The following UNC13C variants were observed in gnomAD, a reference collection of about 807,000 sequenced individuals.
UNC13C encodes the protein protein unc-13 homolog C.
UNC13C carries 174 observed loss-of-function variants against 245.4 expected under a neutral mutation model. The ratio of observed to expected loss-of-function variants is 0.71; its 90% CI spans 0.63 to 0.80. UNC13C has a LOEUF of 0.80. Among genes scored for constraint, UNC13C ranks in the 30% least tolerant of loss-of-function variants. The probability of loss-of-function intolerance (pLI) is 0.00; values close to 1 mark genes in which losing one functional copy is unlikely to be tolerated. For synonymous variants in UNC13C, 992 were observed against 895.1 expected (o/e 1.11, Z -1.93); for missense variants, 2,829 against 2,602.9 (o/e 1.09, Z -1.89).
chr15:53,878,281 C>T, the UNC13C span, among the ~76,000 whole-genome samples: 1 of 152,130 alleles, frequency 6.6e-6, no homozygotes, highest in Non-Finnish European at 1.5e-5. Context: ...AAAGCTGTGC[C>T]TTCTGAATCC....
chr15:53,964,853 G>A, the UNC13C span, among the ~76,000 whole-genome samples: 24 of 152,226 alleles, frequency 1.6e-4, no homozygotes, highest in South Asian at 1.9e-3. Flanking sequence ...AGCTAGTGTC[G>A]CTGGAGGGAA....
chr15:54,220,725 T>C (rs1263023976), intron 4 of UNC13C, among the ~76,000 whole-genome samples: 3 of 151,996 alleles, frequency 2.0e-5, no homozygotes, highest in Non-Finnish European at 2.9e-5. Context: ...AAAAGTACAC[T>C]GGGAAAGAAT....
At chr15:54,321,433 C>A (rs746683040) in intron 13 of UNC13C, 1 of 494,712 alleles carries the variant, frequency 2.0e-6, no homozygotes, top group Non-Finnish European at 4.0e-6. Context: ...GTTTCCACAA[C>A]TCTTGCATCT....
At chr15:54,092,347 C>T (rs1305721140) in intron 2 of UNC13C, among the ~76,000 whole-genome samples, 1 of 152,002 alleles carries the variant, frequency 6.6e-6, no homozygotes. Context: ...ATTCATTACC[C>T]AAGTCTTTAC....
the UNC13C span, among the ~76,000 whole-genome samples, chr15:53,879,070 G>A: frequency 3.3e-5 from 5 of 152,014 alleles, no homozygotes; most frequent in African/African-American, 1.2e-4. Context: ...TGATTCCCTT[G>A]TAAAAATAGT....
chr15:54,396,392 C>T (rs1198409424), intron 18 of UNC13C, among the ~76,000 whole-genome samples: 1 of 151,606 alleles, frequency 6.6e-6, no homozygotes, highest in Non-Finnish European at 1.5e-5. Context: ...TTCATTACAA[C>T]TATTTTGAGT....
At chr15:54,522,871 C>G (rs1045921043) in intron 24 of UNC13C, among the ~76,000 whole-genome samples, 12 of 152,184 alleles carry the variant, frequency 7.9e-5, no homozygotes, top group African/African-American at 2.4e-4. Context: ...TACACTGTGA[C>G]TTATGAATAT....
intron 19 of UNC13C, among the ~76,000 whole-genome samples, chr15:54,455,994 GT>G (rs1555467537): frequency 6.6e-6 from 1 of 152,074 alleles, no homozygotes; most frequent in Non-Finnish European, 1.5e-5. Flanking sequence ...AATTTTTATG[GT>G]TTCAGGTCAT....
At chr15:53,878,206 G>T in the UNC13C span, among the ~76,000 whole-genome samples, 2 of 152,082 alleles carry the variant, frequency 1.3e-5, no homozygotes, top group African/African-American at 4.8e-5. Context: ...ACTGAAATTT[G>T]CTGTCAACTT....
At chr15:54,138,648 G>T (rs12917400) in intron 2 of UNC13C, among the ~76,000 whole-genome samples, 55,780 of 151,790 alleles carry the variant, frequency 0.37, 10,321 homozygotes, top group Admixed American at 0.39. Flanking sequence ...GCAATTTTTT[G>T]GTAGTAAATA....
chr15:54,564,157 C>T (rs1897407011), intron 29 of UNC13C, among the ~76,000 whole-genome samples: 1 of 152,004 alleles, frequency 6.6e-6, no homozygotes, highest in Non-Finnish European at 1.5e-5. Context: ...TTTGTTTTCT[C>T]TTCTGACATA....
chr15:54,055,544 G>T lies in UNC13C; in HGVS notation c.2983+39658G>T, dbSNP rs1052255534. 3.9e-5 allele frequency among the ~76,000 whole-genome samples: 6 copies of T among 152,134 alleles called. 1 individual carries two copies. The highest frequency in any genetic ancestry group is 1.3e-4 in the Admixed American group (2 of 15,276). On this transcript the variant is annotated intron_variant, in intron 2 of 32. Coordinates refer to ENST00000260323, the MANE Select transcript of UNC13C (RefSeq NM_001080534.3). ...CCAGCTGATCAACTGAGGGATTTTA[G>T]TTTGTAGCCATGTCTAGACAAAATG...
chr15:54,601,591 C>T (rs1899429967), intron 30 of UNC13C, among the ~76,000 whole-genome samples: 1 of 152,146 alleles, frequency 6.6e-6, no homozygotes, highest in Non-Finnish European at 1.5e-5. Context: ...TTGACTCTGT[C>T]AGCAGGAAAA....
the UNC13C span, among the ~76,000 whole-genome samples, chr15:53,889,537 C>A: frequency 2.0e-5 from 3 of 152,192 alleles, no homozygotes; most frequent in Non-Finnish European, 2.9e-5. Context: ...ATTTGAATAC[C>A]ATTTATTTCT....
At position 54,013,768 on chromosome 15, in the gene UNC13C, G is replaced by A; in HGVS notation, c.865G>A (p.Glu289Lys). The A allele has an allele frequency of 6.2e-7, 1 of 1,610,768 alleles. No individual in the cohort carries two copies. Among genetic ancestry groups the A allele is most frequent in the South Asian group, 1.1e-5 (1 of 90,710 alleles). The change falls in exon 2 of 33, where the codon GAG (glutamate) becomes AAG (lysine). Residue 289 changes from glutamate to lysine, a missense_variant. By Grantham distance (56) the Glu-to-Lys change is moderately conservative. Transcript: ENST00000260323. ...SSVEVVQSEIEQLRTGFVQSR... is the reference protein window; with the variant it reads ...SSVEVVQSEIKQLRTGFVQSR... Reference sequence around the variant, plus strand: ...TGTGGAGGTTGTACAAAGTGAAATTGAGCAGTTGCGCACAGGGTTTGTCCA... The same window carrying A: ...TGTGGAGGTTGTACAAAGTGAAATTAAGCAGTTGCGCACAGGGTTTGTCCA...
chr15:54,445,895 A>G (rs58067365), intron 19 of UNC13C, among the ~76,000 whole-genome samples: 3,460 of 152,260 alleles, frequency 0.023, 49 homozygotes, highest in African/African-American at 0.044. Flanking sequence ...GGTATTGCCT[A>G]GGTTTTCTTC....
At chr15:54,461,657 G>T (rs188928912) in intron 19 of UNC13C, among the ~76,000 whole-genome samples, 1 of 152,210 alleles carries the variant, frequency 6.6e-6, no homozygotes, top group East Asian at 1.9e-4. Context: ...ACACAATTGT[G>T]ACAATTGAGT....
chr15:54,290,451 C>T (rs142579133), intron 10 of UNC13C, among the ~76,000 whole-genome samples: 5 of 152,048 alleles, frequency 3.3e-5, no homozygotes, highest in African/African-American at 7.2e-5. Flanking sequence ...GAGACTCAAA[C>T]TCCCAAGACA....
At chr15:54,435,398 T>C (rs972626553) in intron 19 of UNC13C, among the ~76,000 whole-genome samples, 5 of 151,998 alleles carry the variant, frequency 3.3e-5, no homozygotes, top group Admixed American at 2.6e-4. Flanking sequence ...CATACAGCCA[T>C]AAAAAAGGAT....
Sources: gnomAD v4.1 joint callset for allele counts (sites outside exome capture counted in the v4.1 genomes callset) on GRCh38, gnomAD v4.1.1 for gene constraint, MANE v1.5 for transcripts, NCBI Gene and HGNC (gene_info 2026-07-23, HGNC 2026-07-21) for gene names.